COPG1: variants seen among roughly 807,000 people sequenced by gnomAD.
The protein encoded by COPG1 is coat protein complex I subunit gamma 1.
COPG1 carries 29 observed loss-of-function variants against 102.8 expected under a neutral mutation model. The observed-to-expected ratio is 0.28, with a 90% CI of 0.21 to 0.38. COPG1 has a LOEUF of 0.38. Among genes scored for constraint, COPG1 ranks in the 10% least tolerant of loss-of-function variants. The pLI is 1.00. For missense variants in COPG1, 875 were observed against 1,132.7 expected (o/e 0.77, Z 3.27); for synonymous variants, 406 against 421.6 (o/e 0.96, Z 0.45).
rs932293281 is a variant in COPG1, at chr3:129,252,456, CTG to C, written c.171+100_171+101del. 4.7e-6 allele frequency: 5 copies of C among 1,069,710 alleles called. No individual in the cohort carries two copies. In the African/African-American group the frequency reaches 4.7e-5, roughly 10 times the overall value. The allele number at this position is 1,069,710 out of a possible 1,614,324, so 66.3% of individuals were successfully genotyped here. A position where few individuals can be genotyped will look rare whatever the true frequency, so the allele number is the denominator to read the frequency against. ...TCACTCTTAGGCTATTGGACAGCCT[CTG>C]TGTGGCTGTAGACAACAGCTCAGCT... On this transcript the variant is annotated intron_variant, in intron 3 of 23. Transcript: ENST00000314797.
intron 16 of COPG1, 76 bp downstream of exon 16, chr3:129,268,116 A>G (rs1940104632): frequency 7.8e-7 from 1 of 1,283,250 alleles, no homozygotes; most frequent in Admixed American, 1.9e-5. Flanking sequence ...GGGCAGGGGA[A>G]ATCAGAGGCA....
intron 8 of COPG1, among the ~76,000 whole-genome samples, chr3:129,256,952 T>C (rs1939822214): frequency 1.3e-5 from 2 of 152,248 alleles, no homozygotes; most frequent in African/African-American, 4.8e-5. Context: ...GTCTCTGGGC[T>C]TCTGGCCCTC....
chr3:129,260,581 G>GA, intron 11 of COPG1, 38 bp from the exon 12 acceptor site: 2 of 1,604,138 alleles, frequency 1.2e-6, no homozygotes, highest in Non-Finnish European at 1.7e-6. Context: ...TGACAGCATT[G>GA]GGTTCCTGCC....
intron 18 of COPG1, among the ~76,000 whole-genome samples, chr3:129,269,236 C>T (rs566660846): frequency 2.6e-5 from 4 of 152,334 alleles, no homozygotes; most frequent in Admixed American, 2.6e-4. Flanking sequence ...CCCGATCAAA[C>T]TGGCTCAGTG....
intron 18 of COPG1, among the ~76,000 whole-genome samples, chr3:129,270,183 C>T (rs992629196): frequency 2.0e-5 from 3 of 151,710 alleles, no homozygotes; most frequent in Non-Finnish European, 4.4e-5. Flanking sequence ...TCCCTTTTAC[C>T]ATGCAAGGTA....
chr3:129,260,372 G>T lies in COPG1; in HGVS notation c.911G>T (p.Arg304Leu). 1 of 1,614,126 alleles carries T rather than the reference G, an allele frequency of 6.2e-7. No homozygotes were observed. The highest frequency in any genetic ancestry group is 1.1e-5 in the South Asian group (1 of 91,076). The change falls in exon 11 of 24, where the codon CGC (arginine) becomes CTC (leucine). Residue 304 changes from arginine (R) to leucine (L), a missense_variant. Physicochemically the swap from Arg to Leu is moderately radical, Grantham distance 102 (BLOSUM62 -2). Coordinates refer to ENST00000314797, the MANE Select transcript of COPG1 (RefSeq NM_016128.4). ...TGCAGCTCACCCAAGGCTGCTCTCC[G>T]CTATGCTGCTGTTCGTACCCTCAAT... The part of the protein sequence containing the change: ...LFCSSPKAAL[R>L]YAAVRTLNKV...
At chr3:129,266,746 T>C (rs1245850813) in intron 14 of COPG1, among the ~76,000 whole-genome samples, 1 of 152,192 alleles carries the variant, frequency 6.6e-6, no homozygotes, top group Non-Finnish European at 1.5e-5. Context: ...GACCTCATCA[T>C]GGTTAATTTG....
chr3:129,261,953 A>G (rs915609661), intron 12 of COPG1, among the ~76,000 whole-genome samples: 2 of 152,240 alleles, frequency 1.3e-5, no homozygotes, highest in Admixed American at 6.5e-5. Flanking sequence ...TTGATAGAAC[A>G]ATGAAGTATG....
chr3:129,256,562 A>G (rs1939814250), intron 8 of COPG1, among the ~76,000 whole-genome samples: 2 of 152,248 alleles, frequency 1.3e-5, no homozygotes, highest in Admixed American at 6.5e-5. Context: ...GACCTAGGAC[A>G]GCCGTTCCTT....
chr3:129,273,293 G>A (rs1244456919), intron 21 of COPG1, among the ~76,000 whole-genome samples: 2 of 152,152 alleles, frequency 1.3e-5, no homozygotes, highest in Non-Finnish European at 2.9e-5. Context: ...CAAAGTGTTG[G>A]GATTACAGGC....
chr3:129,261,576 G>GT (rs1336208742), intron 12 of COPG1, among the ~76,000 whole-genome samples: 1 of 152,156 alleles, frequency 6.6e-6, no homozygotes, highest in Non-Finnish European at 1.5e-5. Context: ...TTCATAGGAA[G>GT]TTACAAAGAA....
Position 129,257,548 on chromosome 3 carries a change from C to T in COPG1, c.658C>T (p.Arg220Trp), listed in dbSNP as rs761562902. ...AVNKMISKVT[R>W]HGLKSPFAYC... is the part of the protein sequence containing the mutation. Reference sequence around the variant, plus strand: ...CAATAAGATGATCAGCAAGGTCACACGGCATGGCCTTAAGTCTCCCTTTGC... The same window carrying T: ...CAATAAGATGATCAGCAAGGTCACATGGCATGGCCTTAAGTCTCCCTTTGC... Residue 220 changes from arginine to tryptophan, a missense_variant, in exon 9 of 24, where the codon CGG (arginine) becomes TGG (tryptophan). Transcript: ENST00000314797. 28 of 1,614,208 alleles carry T rather than the reference C, an allele frequency of 1.7e-5. No homozygotes were observed. The highest frequency in any genetic ancestry group is 1.0e-4 in the Admixed American group (6 of 60,018).
Position 129,272,313 on chromosome 3 carries a change from G to A in COPG1, c.2056G>A (p.Ala686Thr). 1.2e-6 allele frequency: 2 copies of A among 1,613,948 alleles called. No individual in the cohort carries two copies. The highest frequency in any genetic ancestry group is 1.7e-6 in the Non-Finnish European group (2 of 1,179,834). ...CACAGTGCAGATGGAGCCCACTGAG[G>A]CCTATGAGGTGCTCTGTTACGTGCC... ...NVTVQMEPTE[A>T]YEVLCYVPAR... The change falls in exon 20 of 24, where the codon GCC becomes ACC. Residue 686 changes from alanine to threonine, a missense_variant. Physicochemically the swap from Ala to Thr is moderately conservative, Grantham distance 58 (BLOSUM62 0). Transcript: ENST00000314797.
At chr3:129,257,695 A>C (rs1182406730) in intron 9 of COPG1, 32 bp from the exon 10 acceptor site, 1 of 1,613,112 alleles carries the variant, frequency 6.2e-7, no homozygotes, top group South Asian at 1.1e-5. Flanking sequence ...GCCACCCCCA[A>C]CGTTTTCTTG....
intron 12 of COPG1, among the ~76,000 whole-genome samples, chr3:129,261,589 A>T (rs1939926600): frequency 6.6e-6 from 1 of 152,152 alleles, no homozygotes; most frequent in Non-Finnish European, 1.5e-5. Context: ...ACAAAGAAAT[A>T]TACTGAGAAG....
At chr3:129,265,451 A>G in intron 13 of COPG1, 98 bp from the exon 14 acceptor site, 1 of 1,471,676 alleles carries the variant, frequency 6.8e-7, no homozygotes. Flanking sequence ...CCCTGTCTCC[A>G]AGTTCTGTGT....
At chr3:129,259,467 A>C (rs1192525929) in intron 10 of COPG1, among the ~76,000 whole-genome samples, 5 of 149,882 alleles carry the variant, frequency 3.3e-5, no homozygotes, top group Non-Finnish European at 7.4e-5. Context: ...TCTCAAAAAA[A>C]AAAAAAAAAA....
At chr3:129,255,142 A>G in intron 7 of COPG1, 65 bp downstream of exon 7, 2 of 992,736 alleles carry the variant, frequency 2.0e-6, no homozygotes, top group East Asian at 4.8e-5. Context: ...TTTAAGAGTC[A>G]CATTCCAGTA....
chr3:129,256,011 A>G (rs915140965), intron 7 of COPG1, 57 bp from the exon 8 acceptor site: 5 of 1,497,232 alleles, frequency 3.3e-6, no homozygotes, highest in Non-Finnish European at 3.7e-6. Flanking sequence ...AACTGGGCCC[A>G]GAATGTGTGA....
Sources: gnomAD v4.1 joint callset for allele counts (sites outside exome capture counted in the v4.1 genomes callset) on GRCh38, gnomAD v4.1.1 for gene constraint, MANE v1.5 for transcripts, NCBI Gene and HGNC (gene_info 2026-07-23, HGNC 2026-07-21) for gene names.